CLTCL1: variants seen among roughly 807,000 people sequenced by gnomAD.
CLTCL1 encodes clathrin heavy chain 2.
CLTCL1 carries 159 observed loss-of-function variants against 190.0 expected under a neutral mutation model. The ratio of observed to expected loss-of-function variants is 0.84; its 90% CI spans 0.74 to 0.95. CLTCL1 has a LOEUF of 0.95. Ranked by LOEUF, CLTCL1 falls within the 40% of genes least tolerant of loss-of-function variation. The pLI is 0.00. For missense variants in CLTCL1, 1,878 were observed against 2,033.4 expected, an observed-to-expected ratio of 0.92 and a Z score of 1.47; for synonymous variants, 752 against 769.6, an observed-to-expected ratio of 0.98 and a Z score of 0.38.
Position 19,188,079 on chromosome 22 carries a change from G to A in CLTCL1, c.4336C>T (p.Pro1446Ser). The A allele has an allele frequency of 6.2e-7, 1 of 1,614,012 alleles. No homozygotes were observed. Among genetic ancestry groups the A allele is most frequent in the Non-Finnish European group, 8.5e-7 (1 of 1,179,868 alleles). Reference sequence around the variant, plus strand: ...GACCGCAGGTAAGGCTTCACCAGGGGCAGCTGACCTGCCTGACAAGTTGAG... The same window carrying A: ...GACCGCAGGTAAGGCTTCACCAGGGACAGCTGACCTGCCTGACAAGTTGAG... ...VSFFSKAGQL[P>S]LVKPYLRSVQ... The change falls in exon 28 of 33, where the codon CCC becomes TCC. Residue 1446 changes from proline (P) to serine (S), a missense_variant. By Grantham distance (74) the Pro-to-Ser change is moderately conservative. Transcript: ENST00000427926.
intron 22 of CLTCL1, chr22:19,207,423 C>T (rs2085084528): frequency 5.0e-6 from 2 of 396,862 alleles, no homozygotes; most frequent in Non-Finnish European, 8.9e-6. Flanking sequence ...CTTCACATCT[C>T]TTCTAGGAGA....
rs782691178 is a variant in CLTCL1 at position 19,221,429 on chromosome 22, T to C, written c.2744A>G (p.His915Arg). The C allele has an allele frequency of 1.9e-6, 3 of 1,565,266 alleles. No individual in the cohort carries two copies. The highest frequency in any genetic ancestry group is 2.4e-5 in the South Asian group (2 of 84,926). ...CCGCTCATAGGCAACACAGGCCAGA[T>C]GGGGGTCTCGCTTCTCACAGTAGCG... Reference protein sequence around the residue: ...VGRYCEKRDPHLACVAYERGQ... With the variant: ...VGRYCEKRDPRLACVAYERGQ... Residue 915 changes from histidine to arginine, a missense_variant, in exon 17 of 33, where the codon CAT becomes CGT. Coordinates refer to ENST00000427926, the MANE Select transcript of CLTCL1 (RefSeq NM_007098.4).
chr22:19,205,754 T>G (rs1454127625), intron 22 of CLTCL1, among the ~76,000 whole-genome samples: 2 of 152,224 alleles, frequency 1.3e-5, no homozygotes, highest in Non-Finnish European at 2.9e-5. Flanking sequence ...CTTCCACTGC[T>G]TACATGTTTA....
chr22:19,202,852 G>A (rs1335560397), intron 22 of CLTCL1, among the ~76,000 whole-genome samples: 1 of 152,150 alleles, frequency 6.6e-6, no homozygotes, highest in Non-Finnish European at 1.5e-5. Context: ...CAGTGTCCGT[G>A]GAATGTCCTT....
rs372404195 is a variant in CLTCL1 at position 19,254,011 on chromosome 22, T to C, written c.467A>G (p.Tyr156Cys). The C allele has an allele frequency of 3.1e-6, 5 of 1,612,982 alleles. No homozygotes were observed. The highest frequency in any genetic ancestry group is 3.4e-6 in the Non-Finnish European group (4 of 1,179,512). Reference sequence around the variant, plus strand: ...CCACTTCTGGTACTCATCAGTCCGGTAGTGAATCACCTGGCAGCCCACCAG... The same window carrying C: ...CCACTTCTGGTACTCATCAGTCCGGCAGTGAATCACCTGGCAGCCCACCAG... ...TSLVGCQVIH[Y>C]RTDEYQKWLL... Residue 156 changes from tyrosine to cysteine, a missense_variant, in exon 3 of 33, where the codon TAC becomes TGC. Tyr to Cys is a radical substitution (Grantham distance 194). Transcript: ENST00000427926.
Position 19,271,023 on chromosome 22 carries a change from C to A in CLTCL1, c.250+4600G>T, listed in dbSNP as rs567082629. On this transcript the variant is annotated intron_variant, in intron 2 of 32. Transcript: ENST00000427926. ...AAGGACCAGCCTTCTTTGGGAAATA[C>A]TTCAGGTCAGACTTAAGTAGTCTAG... Among the ~76,000 whole-genome samples, 22 of 152,118 alleles carry A rather than the reference C, an allele frequency of 1.4e-4. No individual in the cohort carries two copies. The South Asian group carries it at 4.1e-3, about 29-fold the overall frequency.
intron 32 of CLTCL1, 54 bp downstream of exon 32, chr22:19,180,145 C>T (rs2084080751): frequency 1.3e-6 from 2 of 1,528,672 alleles, no homozygotes; most frequent in Middle Eastern, 1.7e-4. Context: ...GTGGGGTCAG[C>T]CAGAGAACCT....
At chr22:19,216,899 T>C (rs1412217418) in intron 18 of CLTCL1, among the ~76,000 whole-genome samples, 1 of 152,242 alleles carries the variant, frequency 6.6e-6, no homozygotes, top group Admixed American at 6.5e-5. Flanking sequence ...GCACCTTCAG[T>C]GACTTCCAGA....
At chr22:19,263,525 C>T (rs182902044) in intron 2 of CLTCL1, among the ~76,000 whole-genome samples, 14 of 152,180 alleles carry the variant, frequency 9.2e-5, no homozygotes, top group East Asian at 5.8e-4. Flanking sequence ...CACCATTCTC[C>T]GCCTCAGCCT....
chr22:19,218,402 T>C (rs2085460057), intron 18 of CLTCL1, among the ~76,000 whole-genome samples: 1 of 152,336 alleles, frequency 6.6e-6, no homozygotes, highest in African/African-American at 2.4e-5. Context: ...CAAAACAACA[T>C]GACCTTCCAT....
At position 19,217,565 on chromosome 22, in the gene CLTCL1, G is replaced by A. The variant is rs1555950146; in HGVS notation, c.2920-1309C>T. On this transcript the variant is annotated intron_variant, in intron 18 of 32. Transcript: ENST00000427926. ...CGGAAGGCGGAGCTTGCAGTGAGCC[G>A]AGATCGCGCCACTGTACTCCAGCCT... Among the ~76,000 whole-genome samples the A allele has an allele frequency of 2.2e-5, 3 of 137,276 alleles. 1 individual carries two copies. The highest frequency in any genetic ancestry group is 4.8e-4 in the South Asian group (2 of 4,204). 90.1% of individuals were successfully genotyped at this position (137,276 alleles called of 152,430 possible).
chr22:19,192,478 G>A (rs1387393130), intron 26 of CLTCL1, among the ~76,000 whole-genome samples: 2 of 152,218 alleles, frequency 1.3e-5, no homozygotes, highest in African/African-American at 4.8e-5. Flanking sequence ...CAGTGGTGAT[G>A]AATGTGTCTG....
At position 19,215,026 on chromosome 22, in the gene CLTCL1, GT is replaced by G. The variant is rs1569180501; in HGVS notation, c.3065+1084del. Among the ~76,000 whole-genome samples the G allele has an allele frequency of 2.0e-5, 3 of 152,294 alleles. No individual in the cohort carries two copies. In the South Asian group the frequency reaches 6.2e-4, roughly 32 times the overall value. On this transcript the variant is annotated intron_variant, in intron 19 of 32. Coordinates refer to ENST00000427926, the MANE Select transcript of CLTCL1 (RefSeq NM_007098.4). Reference sequence around the variant, plus strand: ...AATGAAAGAAGAGCACGAACTTGAGGTTACCTGCATGTTTGAGAAGCAAGTG... The same window carrying G: ...AATGAAAGAAGAGCACGAACTTGAGGTACCTGCATGTTTGAGAAGCAAGTG...
Position 19,233,411 on chromosome 22 carries a change from A to G in CLTCL1, c.1368+11T>C. On this transcript the variant is annotated intron_variant, in intron 8 of 32. Coordinates refer to ENST00000427926, the MANE Select transcript of CLTCL1 (RefSeq NM_007098.4). Reference sequence around the variant, plus strand: ...TGTGCGGGGGGGCTACGAGCTCACAAGTGTTTCTACCTTATCTTCTTTCAG... The same window carrying G: ...TGTGCGGGGGGGCTACGAGCTCACAGGTGTTTCTACCTTATCTTCTTTCAG... The G allele has an allele frequency of 6.2e-7, 1 of 1,613,530 alleles. No individual in the cohort carries two copies. The highest frequency in any genetic ancestry group is 8.5e-7 in the Non-Finnish European group (1 of 1,179,638).
In CLTCL1 at chr22:19,184,406, C is replaced by T. The variant is rs57950935; in HGVS notation, c.4606-795G>A. 1,052 of 451,746 alleles carry T rather than the reference C, an allele frequency of 2.3e-3. 31 individuals are homozygous for T. In the East Asian group the frequency reaches 0.064, roughly 27 times the overall value. 28.0% of individuals were successfully genotyped at this position (451,746 alleles called of 1,614,324 possible). A position where few individuals can be genotyped will look rare whatever the true frequency, so the allele number is the denominator to read the frequency against. On this transcript the variant is annotated intron_variant, in intron 29 of 32. Transcript: ENST00000427926. ...GCCTGCAGCACACACCTCTGAGTTCCGTTTGGGAGACCCCTGAGGACGCCC... is the reference window on the plus strand; with the variant it reads ...GCCTGCAGCACACACCTCTGAGTTCTGTTTGGGAGACCCCTGAGGACGCCC...
In CLTCL1 at chr22:19,221,932, C is replaced by T. The variant is rs781907816; in HGVS notation, c.2561+19G>A. The T allele has an allele frequency of 6.2e-7, 1 of 1,612,530 alleles. No homozygotes were observed. Among genetic ancestry groups the T allele is most frequent in the Non-Finnish European group, 8.5e-7 (1 of 1,179,090 alleles). ...TAGAATCCAGGGGTAAGAGAAAACACCAAGTAAGGACACCTTACCTATTTC... is the reference window on the plus strand; with the variant it reads ...TAGAATCCAGGGGTAAGAGAAAACATCAAGTAAGGACACCTTACCTATTTC... On this transcript the variant is annotated intron_variant, in intron 16 of 32. Coordinates refer to ENST00000427926, the MANE Select transcript of CLTCL1 (RefSeq NM_007098.4).
In CLTCL1 at chr22:19,226,336, C is replaced by A; in HGVS notation, c.1830G>T (p.Arg610=). The A allele has an allele frequency of 6.2e-7, 1 of 1,613,980 alleles. No individual in the cohort carries two copies. Among genetic ancestry groups the A allele is most frequent in the African/African-American group, 1.3e-5 (1 of 75,022 alleles). Reference sequence around the variant, plus strand: ...TCTCACAGAGCTGGGCAATGTGGGCCCGGTCGTAATGAGTAAACATTTTAT... The same window carrying A: ...TCTCACAGAGCTGGGCAATGTGGGCACGGTCGTAATGAGTAAACATTTTAT... The part of the protein sequence containing the change: ...LGNKMFTHYD[R]AHIAQLCEKA... The change falls in exon 12 of 33, where the codon CGG becomes CGT. Residue 610 remains arginine (R), a synonymous_variant. Coordinates refer to ENST00000427926, the MANE Select transcript of CLTCL1 (RefSeq NM_007098.4).
intron 2 of CLTCL1, among the ~76,000 whole-genome samples, chr22:19,270,154 C>T (rs1256456489): frequency 6.6e-6 from 1 of 152,122 alleles, no homozygotes; most frequent in Non-Finnish European, 1.5e-5. Flanking sequence ...GAACAAACTA[C>T]TGATACATGT....
chr22:19,228,305 C>T (rs984458828), intron 11 of CLTCL1, among the ~76,000 whole-genome samples: 2 of 152,214 alleles, frequency 1.3e-5, no homozygotes, highest in African/African-American at 2.4e-5. Flanking sequence ...GAAACCATCA[C>T]GCAGTCCTAC....
Sources: allele counts gnomAD v4.1 joint callset (sites outside exome capture counted in the v4.1 genomes callset), GRCh38; gene constraint gnomAD v4.1.1; transcripts MANE v1.5; gene names NCBI Gene and HGNC (gene_info 2026-07-23, HGNC 2026-07-21).